Variants in MPDZ observed in about 807,000 individuals in gnomAD.
MPDZ encodes multiple PDZ domain crumbs cell polarity complex component, also known as multiple PDZ domain protein.
In MPDZ, 234 loss-of-function variants were observed where a neutral mutation model predicts 239.1. The observed-to-expected ratio is 0.98, with a 90% CI of 0.88 to 1.09. The LOEUF (loss-of-function observed/expected upper bound fraction) is 1.09. Among genes scored for constraint, MPDZ ranks in the 50% least tolerant of loss-of-function variants. The probability of loss-of-function intolerance (pLI) is 0.00; values close to 1 mark genes in which losing one functional copy is unlikely to be tolerated. For missense variants in MPDZ, 3,175 were observed against 2,510.0 expected (o/e 1.26, Z -5.66); for synonymous variants, 1,048 against 881.3 (o/e 1.19, Z -3.35).
intron 12 of MPDZ, among the ~76,000 whole-genome samples, chr9:13,197,605 G>T (rs186608155): frequency 5.3e-4 from 80 of 152,064 alleles, no homozygotes; most frequent in Middle Eastern, 6.8e-3. Flanking sequence ...TATTTTTTGT[G>T]TGTGTTGGGA....
intron 10 of MPDZ, among the ~76,000 whole-genome samples, chr9:13,213,613 T>A (rs1295938435): frequency 6.6e-6 from 1 of 152,072 alleles, no homozygotes; most frequent in Non-Finnish European, 1.5e-5. Flanking sequence ...GAATTTAAAA[T>A]GCTTATATCT....
chr9:13,119,701 T>C (rs1188000125), intron 38 of MPDZ, 52 bp from the exon 39 acceptor site: 1 of 1,607,332 alleles, frequency 6.2e-7, no homozygotes, highest in Non-Finnish European at 8.5e-7. Context: ...TGTAATGCAA[T>C]GCTTATTTAA....
intron 23 of MPDZ, among the ~76,000 whole-genome samples, chr9:13,160,300 T>G (rs1563930012): frequency 6.6e-6 from 1 of 152,148 alleles, no homozygotes; most frequent in Non-Finnish European, 1.5e-5. Flanking sequence ...TTGCAGATTG[T>G]TCCACCAAAA....
At chr9:13,112,003 A>C (rs920448126) in intron 43 of MPDZ, 21 bp downstream of exon 43, 2 of 1,611,812 alleles carry the variant, frequency 1.2e-6, no homozygotes, top group African/African-American at 1.3e-5. Flanking sequence ...TAGGGCTTCT[A>C]GGGTTGATAG....
rs992397481 is a variant in MPDZ at position 13,224,766 on chromosome 9, G to A, written c.184-183C>T. On this transcript the variant is annotated intron_variant, in intron 3 of 46. Coordinates refer to ENST00000319217, the MANE Select transcript of MPDZ (RefSeq NM_001378778.1). ...ATTAGGATAATACACAAAGATGTGT[G>A]TGCATCACTAAATGTTCAATGCAGC... Among the ~76,000 whole-genome samples, 17 of 152,116 alleles carry A rather than the reference G, an allele frequency of 1.1e-4. 1 individual carries two copies. Among genetic ancestry groups the A allele is most frequent in the Non-Finnish European group, 2.2e-4 (15 of 68,016 alleles).
chr9:13,206,973 C>G (rs1436524425), intron 10 of MPDZ, among the ~76,000 whole-genome samples: 1 of 152,068 alleles, frequency 6.6e-6, no homozygotes, highest in Non-Finnish European at 1.5e-5. Flanking sequence ...GCCACTGTGC[C>G]CTACTTCTAC....
chr9:13,261,428 T>G (rs1970662054), intron 1 of MPDZ, among the ~76,000 whole-genome samples: 1 of 152,176 alleles, frequency 6.6e-6, no homozygotes, highest in Non-Finnish European at 1.5e-5. Flanking sequence ...ACAGTCTGCT[T>G]TGGTATGGTA....
In MPDZ at chr9:13,158,043, A is replaced by C. The variant is rs1412185689; in HGVS notation, c.3427T>G (p.Tyr1143Asp). The C allele has an allele frequency of 6.2e-7, 1 of 1,612,560 alleles. No homozygotes were observed. The highest frequency in any genetic ancestry group is 1.3e-5 in the African/African-American group (1 of 74,868). Residue 1143 changes from tyrosine (Y) to aspartate (D), a missense_variant, in exon 24 of 47, where the codon TAT becomes GAT. Physicochemically the swap from Tyr to Asp is radical, Grantham distance 160 (BLOSUM62 -3). Transcript: ENST00000319217. Reference protein sequence around the residue: ...GEESELQNTAYSNWNQPRRVE... With the variant: ...GEESELQNTADSNWNQPRRVE... ...CGCCTGGGCTGATTCCAATTGCTAT[A>C]TGCTGTGTTTTGAAGTTCGCTTTCT...
Position 13,252,537 on chromosome 9 carries a change from G to C in MPDZ, c.-57-2165C>G, listed in dbSNP as rs974847778. ...GCCAAGATCGCGCCACAGCATTCCA[G>C]CCTGGCAACAGAGTGAGACTCTGTC... On this transcript the variant is annotated intron_variant, in intron 1 of 46. Coordinates refer to ENST00000319217, the MANE Select transcript of MPDZ (RefSeq NM_001378778.1). Among the ~76,000 whole-genome samples, 4 of 136,442 alleles carry C rather than the reference G, an allele frequency of 2.9e-5. No individual in the cohort carries two copies. The Admixed American group carries it at 3.3e-4, about 11-fold the overall frequency. The allele number at this position is 136,442 out of a possible 152,430, so 89.5% of individuals were successfully genotyped here.
chr9:13,145,483 C>A (rs191919576), intron 26 of MPDZ, among the ~76,000 whole-genome samples: 1 of 152,060 alleles, frequency 6.6e-6, no homozygotes, highest in Non-Finnish European at 1.5e-5. Flanking sequence ...TTCCTAGGAG[C>A]TTTATCCTAT....
At chr9:13,199,963 C>A (rs1817073833) in intron 12 of MPDZ, among the ~76,000 whole-genome samples, 1 of 151,898 alleles carries the variant, frequency 6.6e-6, no homozygotes, top group Non-Finnish European at 1.5e-5. Context: ...GCAAGGCTGG[C>A]CCCAAATAAT....
chr9:13,167,470 T>C (rs920326934), intron 22 of MPDZ, among the ~76,000 whole-genome samples: 3 of 152,098 alleles, frequency 2.0e-5, no homozygotes, highest in Non-Finnish European at 4.4e-5. Flanking sequence ...TGTACAGCTT[T>C]TGTTACCTAA....
chr9:13,123,822 G>A (rs977497090), intron 35 of MPDZ, among the ~76,000 whole-genome samples: 1 of 152,118 alleles, frequency 6.6e-6, no homozygotes. Context: ...TCTTATCCTA[G>A]AGCATCTCTT....
In MPDZ at chr9:13,234,487, T is replaced by C. The variant is rs117785567; in HGVS notation, c.184-9904A>G. 4.3e-3 allele frequency among the ~76,000 whole-genome samples: 650 copies of C among 152,236 alleles called. 2 individuals are homozygous for C. Among genetic ancestry groups the C allele is most frequent in the Non-Finnish European group, 7.8e-3 (532 of 67,984 alleles). ...ATTTCATAAAGCATTTTTTGGTAGA[T>C]TATCAAAATCTGTTTTATGATTCTG... is the stretch of plus-strand genomic sequence containing the variant. On this transcript the variant is annotated intron_variant, in intron 3 of 46. Coordinates refer to ENST00000319217, the MANE Select transcript of MPDZ (RefSeq NM_001378778.1).
rs765073854 is a variant in MPDZ, at chr9:13,206,013, T to C, written c.1377A>G (p.Leu459=). ...CTTCCTGCTTCATTCCTCTCCTCAT[T>C]AGTGTCAGGAGCACAGTTTGTCCTG... The part of the protein sequence containing the change: ...RHTGQTVLLT[L]MRRGMKQEAE... The change falls in exon 11 of 47, where the codon CTA becomes CTG. Residue 459 remains leucine, a synonymous_variant. Coordinates refer to ENST00000319217, the MANE Select transcript of MPDZ (RefSeq NM_001378778.1). 1 of 1,613,014 alleles carries C rather than the reference T, an allele frequency of 6.2e-7. No homozygotes were observed. Among genetic ancestry groups the C allele is most frequent in the South Asian group, 1.1e-5 (1 of 91,002 alleles).
intron 25 of MPDZ, among the ~76,000 whole-genome samples, chr9:13,149,868 T>C (rs1025770603): frequency 9.9e-5 from 15 of 151,942 alleles, no homozygotes; most frequent in Admixed American, 5.3e-4. Flanking sequence ...CATTGATGAA[T>C]GAACACAGCA....
rs368177843 is a variant in MPDZ at position 13,219,731 on chromosome 9, A to G, written c.914T>C (p.Ile305Thr). 5 of 1,612,692 alleles carry G rather than the reference A, an allele frequency of 3.1e-6. No homozygotes were observed. The highest frequency in any genetic ancestry group is 4.5e-5 in the East Asian group (2 of 44,796). Residue 305 changes from isoleucine to threonine, a missense_variant, in exon 8 of 47, where the codon ATT becomes ACT. Ile to Thr is a moderately conservative substitution (Grantham distance 89). Coordinates refer to ENST00000319217, the MANE Select transcript of MPDZ (RefSeq NM_001378778.1). ...CATTCCTGCTAGATCTGTGTCACCA[A>G]TCTTTAGAATGTGGTCTCCACTGCA... is the stretch of plus-strand genomic sequence containing the variant. Reference protein sequence around the residue: ...RLCSGDHILKIGDTDLAGMSS... With the variant: ...RLCSGDHILKTGDTDLAGMSS...
chr9:13,122,777 A>G (rs942159517), intron 36 of MPDZ, among the ~76,000 whole-genome samples: 16 of 152,112 alleles, frequency 1.1e-4, no homozygotes, highest in African/African-American at 3.1e-4. Flanking sequence ...TCAGCCTCCT[A>G]AAGTGCTGGG....
chr9:13,109,500 G>A (rs571774284), intron 45 of MPDZ, among the ~76,000 whole-genome samples: 7 of 152,230 alleles, frequency 4.6e-5, no homozygotes, highest in Admixed American at 2.6e-4. Flanking sequence ...TTTCTAATGC[G>A]CCTCTCTCTT....
Sources: allele counts gnomAD v4.1 joint callset (sites outside exome capture counted in the v4.1 genomes callset), GRCh38; gene constraint gnomAD v4.1.1; transcripts MANE v1.5; gene names NCBI Gene and HGNC (gene_info 2026-07-23, HGNC 2026-07-21).